Variants in ZWILCH observed in about 807,000 individuals in gnomAD.
ZWILCH encodes protein zwilch homolog.
A neutral mutation model predicts 79.9 loss-of-function variants in ZWILCH; 74 were observed. The observed-to-expected ratio is 0.93, with a 90% CI of 0.77 to 1.12. ZWILCH has a LOEUF of 1.12. ZWILCH is among the 50% of genes most tolerant of loss of function. ZWILCH has a pLI of 0.00. For synonymous variants in ZWILCH, 241 were observed against 228.2 expected (o/e 1.06, Z -0.51); for missense variants, 694 against 687.5 (o/e 1.01, Z -0.11).
chr15:66,517,747 T>A (rs1894338696), intron 4 of ZWILCH, among the ~76,000 whole-genome samples: 1 of 61,744 alleles, frequency 1.6e-5, no homozygotes. Context: ...TTTTTTTTTT[T>A]TTTTTGAGAC....
chr15:66,524,533 A>C (rs886655183), intron 8 of ZWILCH: 2 of 152,060 alleles, frequency 1.3e-5, no homozygotes, highest in Non-Finnish European at 1.5e-5. Flanking sequence ...CCTGGTATGC[A>C]CTTCTCCCAC....
chr15:66,521,140 G>T lies in ZWILCH; in HGVS notation c.682G>T (p.Asp228Tyr), dbSNP rs375560885. Residue 228 changes from aspartate to tyrosine, a missense_variant, in exon 7 of 19, where the codon GAT (aspartate) becomes TAT (tyrosine). Coordinates refer to ENST00000307897, the MANE Select transcript of ZWILCH (RefSeq NM_017975.5). ...AGCATCACAAACTGCGATCGCTTTG[G>T]ATATTTCCTGGAGTCCTGTGGATGA... ...ITASQTAIALDISWSPVDEIL... is the reference protein window; with the variant it reads ...ITASQTAIALYISWSPVDEIL... 1 of 1,613,894 alleles carries T rather than the reference G, an allele frequency of 6.2e-7. No homozygotes were observed. Among genetic ancestry groups the T allele is most frequent in the African/African-American group, 1.3e-5 (1 of 74,912 alleles).
At chr15:66,530,732 A>G (rs969204416) in intron 12 of ZWILCH, among the ~76,000 whole-genome samples, 1 of 152,246 alleles carries the variant, frequency 6.6e-6, no homozygotes, top group African/African-American at 2.4e-5. Flanking sequence ...AAAGCTAAGT[A>G]AAAAGTTAAA....
intron 8 of ZWILCH, among the ~76,000 whole-genome samples, chr15:66,526,386 C>T (rs1487929874): frequency 1.3e-5 from 2 of 152,152 alleles, no homozygotes; most frequent in Non-Finnish European, 1.5e-5. Context: ...GTTTTCCTGC[C>T]AGCCTATGGT....
Position 66,529,584 on chromosome 15 carries a change from T to A in ZWILCH, c.1155+11T>A. The A allele has an allele frequency of 1.2e-6, 2 of 1,603,668 alleles. No individual in the cohort carries two copies. The highest frequency in any genetic ancestry group is 8.5e-7 in the Non-Finnish European group (1 of 1,171,078). On this transcript the variant is annotated intron_variant, in intron 12 of 18. Transcript: ENST00000307897. ...GATATACAGCCATGGGTAGGTTTAG[T>A]AGTGTGTGTCAGATCATTTTCTCAG...
rs371399838 is a variant in ZWILCH, at chr15:66,517,440, A to G, written c.321-1439A>G. 2.1e-3 allele frequency among the ~76,000 whole-genome samples: 197 copies of G among 92,028 alleles called. 4 individuals carry two copies. Among genetic ancestry groups the G allele is most frequent in the East Asian group, 4.3e-3 (12 of 2,806 alleles). The allele number at this position is 92,028 out of a possible 152,430, so 60.4% of individuals were successfully genotyped here. A position where few individuals can be genotyped will look rare whatever the true frequency, so the allele number is the denominator to read the frequency against. On this transcript the variant is annotated intron_variant, in intron 4 of 18. Coordinates refer to ENST00000307897, the MANE Select transcript of ZWILCH (RefSeq NM_017975.5). Reference sequence around the variant, plus strand: ...TGCGTGTGTGTGTGTGTATATATATATATATATATATATATAGTAATGTAC... The same window carrying G: ...TGCGTGTGTGTGTGTGTATATATATGTATATATATATATATAGTAATGTAC...
At chr15:66,539,717 C>T (rs991661128) in intron 16 of ZWILCH, among the ~76,000 whole-genome samples, 1 of 152,162 alleles carries the variant, frequency 6.6e-6, no homozygotes, top group Middle Eastern at 3.2e-3. Flanking sequence ...ACCCTCGGTG[C>T]ATACTCAACA....
At chr15:66,530,563 G>C (rs1894823586) in intron 12 of ZWILCH, among the ~76,000 whole-genome samples, 1 of 152,180 alleles carries the variant, frequency 6.6e-6, no homozygotes, top group Non-Finnish European at 1.5e-5. Flanking sequence ...CTTGAACCCA[G>C]GAGGCAGAGG....
In ZWILCH at chr15:66,532,243, C is replaced by G; in HGVS notation, c.1156-4C>G. 1.3e-6 allele frequency: 2 copies of G among 1,565,516 alleles called. No individual in the cohort carries two copies. Among genetic ancestry groups the G allele is most frequent in the Non-Finnish European group, 8.6e-7 (1 of 1,163,540 alleles). On this transcript the variant is annotated splice_region_variant and splice_polypyrimidine_tract_variant and intron_variant, in intron 12 of 18. Coordinates refer to ENST00000307897, the MANE Select transcript of ZWILCH (RefSeq NM_017975.5). ...TGGTTTTATAAAATTTTCCTGATTTCTAGCTCCATAGTGGAAGTAACAGTT... is the reference window on the plus strand; with the variant it reads ...TGGTTTTATAAAATTTTCCTGATTTGTAGCTCCATAGTGGAAGTAACAGTT...
intron 12 of ZWILCH, among the ~76,000 whole-genome samples, chr15:66,530,551 T>G (rs1894823161): frequency 6.6e-6 from 1 of 152,104 alleles, no homozygotes; most frequent in Non-Finnish European, 1.5e-5. Context: ...GCAGGAGAAT[T>G]GCTTGAACCC....
chr15:66,534,474 TA>T (rs1410939122), intron 14 of ZWILCH, among the ~76,000 whole-genome samples: 1 of 152,190 alleles, frequency 6.6e-6, no homozygotes, highest in Non-Finnish European at 1.5e-5. Flanking sequence ...AATGTGTCAT[TA>T]TTTTTTTAAA....
chr15:66,541,294 CCA>C (rs553071106), intron 17 of ZWILCH, among the ~76,000 whole-genome samples: 14 of 151,168 alleles, frequency 9.3e-5, no homozygotes, highest in African/African-American at 4.9e-5. Context: ...CAGAAACACA[CCA>C]CACACACACA....
chr15:66,518,645 T>C (rs1397105136), intron 4 of ZWILCH, among the ~76,000 whole-genome samples: 1 of 152,166 alleles, frequency 6.6e-6, no homozygotes, highest in Non-Finnish European at 1.5e-5. Context: ...AGACTCTGTC[T>C]CTACAAAACA....
chr15:66,545,281 G>A (rs1304131035), intron 17 of ZWILCH, among the ~76,000 whole-genome samples: 3 of 152,022 alleles, frequency 2.0e-5, no homozygotes, highest in Non-Finnish European at 4.4e-5. Context: ...TTGAACCCTG[G>A]AGGCAGAGGT....
chr15:66,513,964 G>A (rs369801262), intron 2 of ZWILCH, 24 bp from the exon 3 acceptor site: 4 of 1,564,516 alleles, frequency 2.6e-6, no homozygotes, highest in Admixed American at 3.5e-5. Context: ...TATGTATAAT[G>A]TTGCTCGATA....
In ZWILCH at chr15:66,519,001, C is replaced by G; in HGVS notation, c.443C>G (p.Thr148Ser). 6.2e-7 allele frequency: 1 copy of G among 1,614,198 alleles called. No individual in the cohort carries two copies. Among genetic ancestry groups the G allele is most frequent in the Non-Finnish European group, 8.5e-7 (1 of 1,180,036 alleles). The change falls in exon 5 of 19, where the codon ACT (threonine) becomes AGT (serine). Residue 148 changes from threonine to serine, a missense_variant. Physicochemically the swap from Thr to Ser is moderately conservative, Grantham distance 58. Transcript: ENST00000307897. Reference protein sequence around the residue: ...VRCDSSDPEGTCWLGAELITT... With the variant: ...VRCDSSDPEGSCWLGAELITT... ...TGTGACAGTTCAGATCCTGAAGGTA[C>G]TTGTTGGCTAGGAGCTGAGCTTATC...
At chr15:66,544,724 T>TTTTTGTGTGTGTGTGTGTGTGTG (rs145952622) in intron 17 of ZWILCH, among the ~76,000 whole-genome samples, 1 of 128,490 alleles carries the variant, frequency 7.8e-6, no homozygotes. Flanking sequence ...TTTTTGGTTT[T>TTTTTGTGTGTGTGTGTGTGTGTG]TGTGTGTGTG....
intron 17 of ZWILCH, among the ~76,000 whole-genome samples, chr15:66,544,395 G>A (rs1384102841): frequency 6.6e-6 from 1 of 152,128 alleles, no homozygotes; most frequent in Non-Finnish European, 1.5e-5. Context: ...GCAGTGGCAT[G>A]ATCTTGCCTC....
At chr15:66,514,649 C>T (rs1198627089) in intron 3 of ZWILCH, 4 of 152,682 alleles carry the variant, frequency 2.6e-5, no homozygotes, top group African/African-American at 7.2e-5. Context: ...AATTTTAACA[C>T]GTATGTAGAT....
Sources: gnomAD v4.1 joint callset for allele counts (sites outside exome capture counted in the v4.1 genomes callset) on GRCh38, gnomAD v4.1.1 for gene constraint, MANE v1.5 for transcripts, NCBI Gene and HGNC (gene_info 2026-07-23, HGNC 2026-07-21) for gene names.